The following DTNA variants were observed in gnomAD, a reference collection of about 807,000 sequenced individuals.
DTNA encodes dystrobrevin alpha, also known as dystrophin-related protein 3.
DTNA carries 43 observed loss-of-function variants against 100.7 expected under a neutral mutation model. That is an observed-to-expected ratio of 0.43 (90% CI 0.33 to 0.55). The LOEUF is 0.55. Among genes scored for constraint, DTNA ranks in the 20% least tolerant of loss-of-function variants. The probability of loss-of-function intolerance (pLI) is 0.04; values close to 1 mark genes in which losing one functional copy is unlikely to be tolerated. For synonymous variants in DTNA, 349 were observed against 347.9 expected (o/e 1.00, Z -0.04); for missense variants, 798 against 953.9 (o/e 0.84, Z 2.15).
At chr18:34,819,354 C>T (rs1453469983) in intron 8 of DTNA, among the ~76,000 whole-genome samples, 2 of 152,180 alleles carry the variant, frequency 1.3e-5, no homozygotes, top group Non-Finnish European at 2.9e-5. Flanking sequence ...ATTCAAGCAA[C>T]AGTTCTTCAC....
At chr18:34,649,142 C>T (rs572740399) in intron 1 of DTNA, among the ~76,000 whole-genome samples, 1 of 152,272 alleles carries the variant, frequency 6.6e-6, no homozygotes, top group East Asian at 1.9e-4. Context: ...GCATTCCATT[C>T]TGCTCTCCTC....
At chr18:34,640,863 C>A (rs1898785) in intron 1 of DTNA, among the ~76,000 whole-genome samples, 152,257 of 152,344 alleles carry the variant, frequency 1, 76,085 homozygotes, top group Middle Eastern at 1. Flanking sequence ...TTTCTTATGG[C>A]CTTCTAGCTG....
chr18:34,781,134 A>G (rs796933394), intron 3 of DTNA, among the ~76,000 whole-genome samples: 9 of 152,374 alleles, frequency 5.9e-5, no homozygotes, highest in African/African-American at 1.9e-4. Context: ...GGCAGGAGAA[A>G]GAGGCAGGGC....
chr18:34,650,177 T>A (rs2143810224), intron 1 of DTNA, among the ~76,000 whole-genome samples: 1 of 152,290 alleles, frequency 6.6e-6, no homozygotes, highest in East Asian at 1.9e-4. Flanking sequence ...TACACTGCTT[T>A]CTGGCACCTG....
chr18:34,688,604 C>A (rs1340893299), intron 1 of DTNA, among the ~76,000 whole-genome samples: 1 of 152,124 alleles, frequency 6.6e-6, no homozygotes, highest in African/African-American at 2.4e-5. Context: ...CTTGGTGGAT[C>A]TGACAATTAT....
At chr18:34,612,796 A>T (rs897133483) in intron 1 of DTNA, among the ~76,000 whole-genome samples, 1 of 152,186 alleles carries the variant, frequency 6.6e-6, no homozygotes, top group South Asian at 2.1e-4. Context: ...CTTATGAAAC[A>T]CTATACATAT....
chr18:34,688,879 T>C (rs1231875048), intron 1 of DTNA, among the ~76,000 whole-genome samples: 4 of 152,166 alleles, frequency 2.6e-5, no homozygotes, highest in Non-Finnish European at 5.9e-5. Context: ...CTTCATGCTT[T>C]ATTTCATTAA....
At chr18:34,556,307 G>A (rs908180269) in intron 1 of DTNA, among the ~76,000 whole-genome samples, 1 of 152,100 alleles carries the variant, frequency 6.6e-6, no homozygotes, top group Admixed American at 6.6e-5. Flanking sequence ...ACACTGATGG[G>A]TCTTGACTCT....
chr18:34,538,123 G>C (rs865969190), intron 1 of DTNA, among the ~76,000 whole-genome samples: 1 of 151,966 alleles, frequency 6.6e-6, no homozygotes, highest in South Asian at 2.1e-4. Context: ...TCCGCAAAAT[G>C]GTAAATAAAA....
chr18:34,634,226 T>C (rs575825446), intron 1 of DTNA, among the ~76,000 whole-genome samples: 1 of 152,354 alleles, frequency 6.6e-6, no homozygotes, highest in African/African-American at 2.4e-5. Flanking sequence ...GTACGTTAGC[T>C]ATTCTCAAAC....
chr18:34,853,495 G>T (rs2096510332), intron 15 of DTNA, among the ~76,000 whole-genome samples: 2 of 152,078 alleles, frequency 1.3e-5, no homozygotes, highest in Non-Finnish European at 2.9e-5. Flanking sequence ...AGTAAGGAAA[G>T]CTTTTGGCTT....
intron 1 of DTNA, among the ~76,000 whole-genome samples, chr18:34,533,651 C>T (rs1444775902): frequency 6.6e-6 from 1 of 151,488 alleles, no homozygotes; most frequent in African/African-American, 2.4e-5. Flanking sequence ...TCTTTTTTCT[C>T]AATAAAAAAA....
At position 34,839,591 on chromosome 18, in the gene DTNA, A is replaced by G. The variant is rs1431041122; in HGVS notation, c.1346+754A>G. On this transcript the variant is annotated intron_variant, in intron 13 of 22. Coordinates refer to ENST00000444659, the MANE Select transcript of DTNA (RefSeq NM_001386795.1). ...AAAGGAAAAGGACAAACTATGTATC[A>G]TATGTATTTTTCAATCTAGTTCAGA... 4.6e-5 allele frequency among the ~76,000 whole-genome samples: 7 copies of G among 152,336 alleles called. No individual in the cohort carries two copies. The East Asian group carries it at 1.3e-3, about 29-fold the overall frequency.
At chr18:34,599,400 C>T (rs2051307532) in intron 1 of DTNA, among the ~76,000 whole-genome samples, 1 of 152,160 alleles carries the variant, frequency 6.6e-6, no homozygotes, top group South Asian at 2.1e-4. Context: ...AACAGCTGAA[C>T]TCATTTTTCT....
chr18:34,794,003 T>G, intron 3 of DTNA, 34 bp from the exon 4 acceptor site: 2 of 1,605,296 alleles, frequency 1.2e-6, no homozygotes, highest in East Asian at 4.5e-5. Context: ...TTCCATTACT[T>G]TGGGCTGATG....
intron 1 of DTNA, among the ~76,000 whole-genome samples, chr18:34,717,700 GA>G (rs1466086902): frequency 3.9e-5 from 6 of 152,184 alleles, no homozygotes; most frequent in Admixed American, 2.6e-4. Flanking sequence ...GTGCAGAGCA[GA>G]TATTACAGAG....
chr18:34,742,484 A>G (rs796130271), intron 1 of DTNA, among the ~76,000 whole-genome samples: 5 of 152,058 alleles, frequency 3.3e-5, no homozygotes, highest in African/African-American at 9.6e-5. Flanking sequence ...GAGAACTCCA[A>G]TAATTGCATT....
intron 1 of DTNA, among the ~76,000 whole-genome samples, chr18:34,744,073 C>T (rs770034463): frequency 6.6e-6 from 1 of 152,118 alleles, no homozygotes. Flanking sequence ...TTATCTCAAG[C>T]AGGTATGAAG....
chr18:34,495,850 A>G (rs1036286026), intron 1 of DTNA, among the ~76,000 whole-genome samples: 3 of 152,204 alleles, frequency 2.0e-5, no homozygotes, highest in South Asian at 4.1e-4. Context: ...CAACTTACTT[A>G]GAGAATTACT....
Sources: gnomAD v4.1 joint callset for allele counts (sites outside exome capture counted in the v4.1 genomes callset) on GRCh38, gnomAD v4.1.1 for gene constraint, MANE v1.5 for transcripts, NCBI Gene and HGNC (gene_info 2026-07-23, HGNC 2026-07-21) for gene names.